CLCN1: variants seen among roughly 807,000 people sequenced by gnomAD.
The protein encoded by CLCN1 is chloride channel protein 1.
In CLCN1, 100 loss-of-function variants were observed where a neutral mutation model predicts 114.5. That is an observed-to-expected ratio of 0.87 (90% CI 0.74 to 1.03). CLCN1 has a LOEUF of 1.03. Among genes scored for constraint, CLCN1 ranks in the 50% least tolerant of loss-of-function variants. The pLI is 0.00. For missense variants in CLCN1, 1,188 were observed against 1,250.0 expected (o/e 0.95, Z 0.75); for synonymous variants, 485 against 487.1 (o/e 1.00, Z 0.06).
chr7:143,346,802 G>C, intron 19 of CLCN1, 109 bp from the exon 20 acceptor site: 1 of 1,203,312 alleles, frequency 8.3e-7, no homozygotes. Flanking sequence ...GAATGAAAAG[G>C]AGGCATCGGT....
chr7:143,349,226 C>T (rs748710401), intron 20 of CLCN1, among the ~76,000 whole-genome samples: 1 of 152,190 alleles, frequency 6.6e-6, no homozygotes, highest in African/African-American at 2.4e-5. Flanking sequence ...CTACAACACA[C>T]CTGCTAAGTG....
intron 6 of CLCN1, chr7:143,323,712 G>T: frequency 1.9e-6 from 1 of 520,880 alleles, no homozygotes; most frequent in Non-Finnish European, 3.8e-6. Flanking sequence ...TTTCCCTCGT[G>T]TGCTCCCCCA....
At chr7:143,335,206 T>A (rs1227061522) in intron 12 of CLCN1, among the ~76,000 whole-genome samples, 2 of 152,212 alleles carry the variant, frequency 1.3e-5, no homozygotes, top group Non-Finnish European at 2.9e-5. Flanking sequence ...ATGTCTGGAT[T>A]CCACTTCGCA....
intron 1 of CLCN1, among the ~76,000 whole-genome samples, chr7:143,316,801 G>A (rs997907679): frequency 1.3e-5 from 2 of 152,184 alleles, no homozygotes; most frequent in Non-Finnish European, 2.9e-5. Context: ...ACCCTCTGCA[G>A]AATACACACA....
At chr7:143,329,508 C>T (rs1312843353) in intron 7 of CLCN1, among the ~76,000 whole-genome samples, 4 of 152,190 alleles carry the variant, frequency 2.6e-5, no homozygotes, top group Non-Finnish European at 2.9e-5. Context: ...CACCCTCCCC[C>T]TGGTGCAAAT....
At chr7:143,320,128 A>G (rs1028838338) in intron 2 of CLCN1, among the ~76,000 whole-genome samples, 10 of 152,214 alleles carry the variant, frequency 6.6e-5, no homozygotes, top group Non-Finnish European at 1.3e-4. Flanking sequence ...AGCTGAGACT[A>G]TAGGCACATG....
At chr7:143,320,613 G>A (rs1308157426) in intron 2 of CLCN1, 51 bp from the exon 3 acceptor site, 1 of 1,358,288 alleles carries the variant, frequency 7.4e-7, no homozygotes, top group Non-Finnish European at 1.0e-6. Context: ...ATTTTTGTTT[G>A]TTTGTTTGTT....
At chr7:143,326,946 A>T (rs901714911) in intron 7 of CLCN1, among the ~76,000 whole-genome samples, 2 of 152,124 alleles carry the variant, frequency 1.3e-5, no homozygotes, top group African/African-American at 2.4e-5. Flanking sequence ...AGTTTTTTTT[A>T]AACTAAAAAA....
rs753495712 is a variant in CLCN1, at chr7:143,351,985, C to G, written c.*20C>G. Reference sequence around the variant, plus strand: ...CTTTGACCCCCTCCCACGACCTCCTCATAAAGACCGTGGAGAGGCCCAGCC... The same window carrying G: ...CTTTGACCCCCTCCCACGACCTCCTGATAAAGACCGTGGAGAGGCCCAGCC... On this transcript the variant is annotated 3_prime_UTR_variant, in exon 23 of 23. Transcript: ENST00000343257. The G allele has an allele frequency of 6.2e-7, 1 of 1,612,276 alleles. No individual in the cohort carries two copies. Among genetic ancestry groups the G allele is most frequent in the Non-Finnish European group, 8.5e-7 (1 of 1,180,014 alleles).
At chr7:143,332,380 T>A (rs753048273) in intron 10 of CLCN1, 39 bp from the exon 11 acceptor site, 1 of 1,481,310 alleles carries the variant, frequency 6.8e-7, no homozygotes, top group Admixed American at 1.7e-5. Flanking sequence ...TTACTGTGAG[T>A]TGGCTGAATT....
intron 10 of CLCN1, 21 bp downstream of exon 10, chr7:143,331,673 T>A: frequency 6.5e-7 from 1 of 1,533,952 alleles, no homozygotes; most frequent in Non-Finnish European, 9.0e-7. Context: ...GCCCTTCTTT[T>A]GCCCTACCCA....
Position 143,339,141 on chromosome 7 carries a change from G to C in CLCN1, c.1402-112G>C. 1 of 811,598 alleles carries C rather than the reference G, an allele frequency of 1.2e-6. No homozygotes were observed. The highest frequency in any genetic ancestry group is 1.7e-5 in the African/African-American group (1 of 59,678). The allele number at this position is 811,598 out of a possible 1,614,324, so 50.3% of individuals were successfully genotyped here. A position where few individuals can be genotyped will look rare whatever the true frequency, so the allele number is the denominator to read the frequency against. ...GTGACAGACAAAGTGACTTTCAGAA[G>C]GATCAGCTATCCCAGGATTTCTGCA... On this transcript the variant is annotated intron_variant, in intron 12 of 22. Coordinates refer to ENST00000343257, the MANE Select transcript of CLCN1 (RefSeq NM_000083.3). This position sits in a 1 kb window ranked among gnomAD's most constrained non-coding sequence, Gnocchi z 4.1.
Position 143,350,599 on chromosome 7 carries a change from A to T in CLCN1, c.2540A>T (p.His847Leu). 1 of 1,613,958 alleles carries T rather than the reference A, an allele frequency of 6.2e-7. No individual in the cohort carries two copies. Among genetic ancestry groups the T allele is most frequent in the Non-Finnish European group, 8.5e-7 (1 of 1,179,984 alleles). ...THTLFSLLGL[H>L]LAYVTSMGKL... ...ACCCTGTTTTCACTCCTTGGCCTCCACCTCGCTTACGTGACCAGCATGGGG... is the reference window on the plus strand; with the variant it reads ...ACCCTGTTTTCACTCCTTGGCCTCCTCCTCGCTTACGTGACCAGCATGGGG... The change falls in exon 22 of 23, where the codon CAC becomes CTC. Residue 847 changes from histidine to leucine, a missense_variant. Physicochemically the swap from His to Leu is moderately conservative, Grantham distance 99. Transcript: ENST00000343257. This position sits in a 1 kb window ranked among gnomAD's most constrained non-coding sequence, Gnocchi z 5.1.
chr7:143,318,884 C>T (rs774210189), intron 1 of CLCN1, among the ~76,000 whole-genome samples: 27 of 152,204 alleles, frequency 1.8e-4, no homozygotes, highest in Non-Finnish European at 2.6e-4. Context: ...TTCAGGACTG[C>T]GGTGTAAAAT....
chr7:143,335,214 G>T (rs1037735777), intron 12 of CLCN1, among the ~76,000 whole-genome samples: 2 of 151,980 alleles, frequency 1.3e-5, no homozygotes, highest in Admixed American at 1.3e-4. Context: ...ATTCCACTTC[G>T]CAAATTCAAG....
At chr7:143,330,694 T>C (rs1802696916) in intron 7 of CLCN1, 78 bp from the exon 8 acceptor site, 8 of 1,598,978 alleles carry the variant, frequency 5.0e-6, no homozygotes, top group Non-Finnish European at 6.8e-6. Flanking sequence ...CAAAAGCTCC[T>C]TAGGTCCAAG....
intron 20 of CLCN1, among the ~76,000 whole-genome samples, chr7:143,349,920 C>T (rs1803350137): frequency 6.6e-6 from 1 of 152,136 alleles, no homozygotes; most frequent in Admixed American, 6.6e-5. Context: ...GAAATACGTA[C>T]ACTGCAGGGA....
rs773025750 is a variant in CLCN1 at position 143,323,308 on chromosome 7, G to A, written c.697-1G>A. On this transcript the variant is annotated splice_acceptor_variant, in intron 5 of 22. Transcript: ENST00000343257. LOFTEE classifies it high-confidence loss of function. ...CCGCCCCCTCGCTCCCCCTCTCCCA[G>A]GGCCCCTTCGTCCACATTGCCAGCA... 2 of 1,608,562 alleles carry A rather than the reference G, an allele frequency of 1.2e-6. No individual in the cohort carries two copies. The highest frequency in any genetic ancestry group is 1.1e-5 in the South Asian group (1 of 90,984).
intron 1 of CLCN1, among the ~76,000 whole-genome samples, chr7:143,318,203 CT>C (rs201805046): frequency 4.0e-5 from 6 of 151,120 alleles, no homozygotes; most frequent in South Asian, 2.1e-4. Context: ...CCATGGAATA[CT>C]TTTTTTTTGT....
Sources: gnomAD v4.1 joint callset for allele counts (sites outside exome capture counted in the v4.1 genomes callset) on GRCh38, gnomAD v4.1.1 for gene constraint, Gnocchi (gnomAD v3.1) non-coding constraint, MANE v1.5 for transcripts, NCBI Gene and HGNC (gene_info 2026-07-23, HGNC 2026-07-21) for gene names.